The following DIAPH2 variants were observed in gnomAD, a reference collection of about 807,000 sequenced individuals.
DIAPH2 encodes the protein diaphanous related formin 2.
DIAPH2 carries 35 observed loss-of-function variants against 92.7 expected under a neutral mutation model. That is an observed-to-expected ratio of 0.38 (90% confidence interval 0.29 to 0.50). The LOEUF (loss-of-function observed/expected upper bound fraction) is 0.50. Among genes scored for constraint, DIAPH2 ranks in the 20% least tolerant of loss-of-function variants. The pLI is 0.94. For missense variants in DIAPH2, 701 were observed against 819.5 expected, an observed-to-expected ratio of 0.86 and a Z score of 1.77; for synonymous variants, 301 against 280.4, an observed-to-expected ratio of 1.07 and a Z score of -0.73.
intron 1 of DIAPH2, among the ~76,000 whole-genome samples, chrX:96,708,611 T>C (rs2063900546): frequency 8.9e-6 from 1 of 111,930 alleles, no homozygotes; most frequent in African/African-American, 3.2e-5. Context: ...CTGTCACATC[T>C]CTGCTGAGTG....
chrX:97,344,396 C>T (rs904464307), intron 23 of DIAPH2, among the ~76,000 whole-genome samples: 1 of 111,780 alleles, frequency 8.9e-6, no homozygotes, highest in East Asian at 2.8e-4. Flanking sequence ...AGTAACAGAG[C>T]AAGATCCTGT....
intron 17 of DIAPH2, among the ~76,000 whole-genome samples, chrX:96,972,728 A>C (rs1054787588): frequency 9.0e-6 from 1 of 111,341 alleles, no homozygotes; most frequent in African/African-American, 3.3e-5. Context: ...GAGGTAGTAT[A>C]ATTAGAGTTG....
chrX:97,433,712 G>A (rs1304999989), intron 26 of DIAPH2, among the ~76,000 whole-genome samples: 1 of 111,560 alleles, frequency 9.0e-6, no homozygotes, highest in Admixed American at 9.6e-5. Context: ...TACATCTGCT[G>A]TGTAAAAGGT....
intron 4 of DIAPH2, among the ~76,000 whole-genome samples, chrX:96,869,595 A>C (rs200974463): frequency 3.8e-4 from 30 of 78,070 alleles, no homozygotes; most frequent in Admixed American, 1.4e-3. Flanking sequence ...ACTACTACTA[A>C]TACTAGTCTC....
At chrX:97,099,841 CACT>C in intron 20 of DIAPH2, 46 bp downstream of exon 20, 1 of 721,546 alleles carries the variant, frequency 1.4e-6, no homozygotes, top group Non-Finnish European at 2.0e-6. Context: ...GGGAGGTTAA[CACT>C]TGCCAGAAAC....
At chrX:97,147,914 T>G (rs2067258255) in intron 22 of DIAPH2, among the ~76,000 whole-genome samples, 1 of 111,800 alleles carries the variant, frequency 8.9e-6, no homozygotes, top group Non-Finnish European at 1.9e-5. Flanking sequence ...AAGGCAATGT[T>G]ATAGGGGAAA....
At chrX:97,185,294 CAAA>C (rs1306919184) in intron 22 of DIAPH2, among the ~76,000 whole-genome samples, 7 of 13,816 alleles carry the variant, frequency 5.1e-4, no homozygotes, top group African/African-American at 2.1e-3. Flanking sequence ...GACCCTGTCT[CAAA>C]AAAAAAAAAA....
intron 19 of DIAPH2, among the ~76,000 whole-genome samples, chrX:97,096,977 CTG>C (rs1474963477): frequency 9.0e-6 from 1 of 111,392 alleles, no homozygotes. Context: ...TCCGAGGACT[CTG>C]TATATCAGTG....
chrX:97,414,569 G>C (rs1049536156), intron 25 of DIAPH2, among the ~76,000 whole-genome samples: 2 of 105,797 alleles, frequency 1.9e-5, no homozygotes, highest in African/African-American at 7.0e-5. Flanking sequence ...AGAATGGTGT[G>C]AACCCAGGAG....
intron 22 of DIAPH2, among the ~76,000 whole-genome samples, chrX:97,160,158 A>G (rs1045374680): frequency 2.2e-4 from 25 of 111,539 alleles, no homozygotes; most frequent in African/African-American, 7.5e-4. Context: ...AGGGAGGATG[A>G]AATCATAAGG....
intron 26 of DIAPH2, among the ~76,000 whole-genome samples, chrX:97,568,966 T>G (rs1356679146): frequency 8.9e-6 from 1 of 112,065 alleles, no homozygotes; most frequent in Admixed American, 9.4e-5. Context: ...AGACCTCTGT[T>G]GATGACGTTT....
chrX:97,593,150 A>T (rs757278592), intron 26 of DIAPH2, among the ~76,000 whole-genome samples: 9 of 111,829 alleles, frequency 8.0e-5, no homozygotes, highest in Non-Finnish European at 1.5e-4. Context: ...GTCCTAAAAA[A>T]TACATAGTTT....
rs967803548 is a variant in DIAPH2 at position 97,369,948 on chromosome X, T to A, written c.3010-13961T>A. Among the ~76,000 whole-genome samples, 26 of 111,723 alleles carry A rather than the reference T, an allele frequency of 2.3e-4. 1 individual carries two copies. The highest frequency in any genetic ancestry group is 1.1e-4 in the Non-Finnish European group (6 of 53,152). On this transcript the variant is annotated intron_variant, in intron 24 of 26. Transcript: ENST00000324765. ...AAGAACTAGACTTTAGAGTACGATTTTAACTGATAGTAAGACAGTGCTCTA... is the reference window on the plus strand; with the variant it reads ...AAGAACTAGACTTTAGAGTACGATTATAACTGATAGTAAGACAGTGCTCTA...
chrX:96,791,912 G>A (rs1367506984), intron 4 of DIAPH2, among the ~76,000 whole-genome samples: 1 of 110,912 alleles, frequency 9.0e-6, no homozygotes, highest in Non-Finnish European at 1.9e-5. Flanking sequence ...CTTACCCAGG[G>A]TTAGTTGTGC....
chrX:96,705,304 G>A lies in DIAPH2; in HGVS notation c.132+20114G>A, dbSNP rs769389157. On this transcript the variant is annotated intron_variant, in intron 1 of 26. Transcript: ENST00000324765. ...TTTGAGGCTGCAGTGAGCTATGATC[G>A]TGCCACTGCATTCCAGCCTGGGCTA... is the stretch of plus-strand genomic sequence containing the variant. 2.5e-3 allele frequency among the ~76,000 whole-genome samples: 280 copies of A among 111,251 alleles called. 2 individuals carry two copies. The highest frequency in any genetic ancestry group is 8.6e-3 in the African/African-American group (263 of 30,616).
At chrX:97,548,383 G>T (rs1422146584) in intron 26 of DIAPH2, among the ~76,000 whole-genome samples, 1 of 111,814 alleles carries the variant, frequency 8.9e-6, no homozygotes, top group Non-Finnish European at 1.9e-5. Flanking sequence ...GCGGCTCTTT[G>T]TTGTGAGTTT....
At chrX:96,751,433 G>A (rs1385978711) in intron 3 of DIAPH2, among the ~76,000 whole-genome samples, 2 of 103,473 alleles carry the variant, frequency 1.9e-5, no homozygotes, top group East Asian at 3.2e-4. Context: ...AAAATTAGCC[G>A]AGCGTGGTGG....
intron 25 of DIAPH2, among the ~76,000 whole-genome samples, chrX:97,410,929 T>C (rs968727955): frequency 3.6e-5 from 4 of 111,913 alleles, no homozygotes; most frequent in African/African-American, 1.3e-4. Flanking sequence ...CTACATTTGA[T>C]TGGTGTACCT....
chrX:96,756,460 T>G (rs2064229856), intron 3 of DIAPH2, among the ~76,000 whole-genome samples: 1 of 112,320 alleles, frequency 8.9e-6, no homozygotes, highest in Non-Finnish European at 1.9e-5. Flanking sequence ...GTATCAGTAC[T>G]TCATTCCTTT....
Sources: gnomAD v4.1 joint callset for allele counts (sites outside exome capture counted in the v4.1 genomes callset) on GRCh38, gnomAD v4.1.1 for gene constraint, MANE v1.5 for transcripts, NCBI Gene and HGNC (gene_info 2026-07-23, HGNC 2026-07-21) for gene names.